Variants in ADRA1B observed in about 807,000 individuals in gnomAD.
The protein encoded by ADRA1B is alpha-1B adrenergic receptor.
In ADRA1B, 17 loss-of-function variants were observed where a neutral mutation model predicts 17.9. The ratio of observed to expected loss-of-function variants is 0.95; its 90% CI spans 0.65 to 1.42. The LOEUF is 1.42. Ranked by LOEUF, ADRA1B falls within the 40% of genes most tolerant of loss-of-function variation. The pLI is 0.00. For synonymous variants in ADRA1B, 366 were observed against 327.6 expected (o/e 1.12, Z -1.27); for missense variants, 681 against 722.1 (o/e 0.94, Z 0.65).
the ADRA1B span, among the ~76,000 whole-genome samples, chr5:159,985,799 C>T: frequency 6.6e-6 from 1 of 152,216 alleles, no homozygotes; most frequent in Non-Finnish European, 1.5e-5. Flanking sequence ...GGTGACAAAG[C>T]CTGATCCTGC....
chr5:159,931,315 G>T (rs1459614246), intron 1 of ADRA1B, among the ~76,000 whole-genome samples: 1 of 151,100 alleles, frequency 6.6e-6, no homozygotes, highest in Non-Finnish European at 1.5e-5. Context: ...GATCCCTTGA[G>T]CCCAGGAGGT....
chr5:159,869,909 T>C (rs763859395), intron 1 of ADRA1B: 1 of 152,170 alleles, frequency 6.6e-6, no homozygotes, highest in South Asian at 2.1e-4. Flanking sequence ...GTAGCAGTAA[T>C]ATGTGATATG....
At chr5:159,966,133 A>G (rs1176356469) in intron 1 of ADRA1B, among the ~76,000 whole-genome samples, 1 of 152,180 alleles carries the variant, frequency 6.6e-6, no homozygotes, top group African/African-American at 2.4e-5. Flanking sequence ...TAAAGAAAGA[A>G]AACAGGCACA....
At chr5:159,883,316 T>C (rs1381381171) in intron 1 of ADRA1B, among the ~76,000 whole-genome samples, 1 of 152,236 alleles carries the variant, frequency 6.6e-6, no homozygotes, top group Non-Finnish European at 1.5e-5. Flanking sequence ...CATGTAATTT[T>C]TTTACCATGT....
chr5:159,893,125 T>C (rs1754003807), intron 1 of ADRA1B, among the ~76,000 whole-genome samples: 1 of 152,246 alleles, frequency 6.6e-6, no homozygotes, highest in South Asian at 2.1e-4. Context: ...ACATGTGTCA[T>C]TGACTATCTG....
intron 1 of ADRA1B, among the ~76,000 whole-genome samples, chr5:159,964,882 G>A (rs1755745457): frequency 1.3e-5 from 2 of 152,194 alleles, no homozygotes; most frequent in Non-Finnish European, 2.9e-5. Context: ...AGTCATCATA[G>A]CTATACTTAT....
chr5:159,932,112 A>G (rs971522876), intron 1 of ADRA1B, among the ~76,000 whole-genome samples: 2 of 152,068 alleles, frequency 1.3e-5, no homozygotes, highest in African/African-American at 4.8e-5. Context: ...TATCATATCG[A>G]TGAAACTGAG....
At chr5:159,890,566 C>T (rs1753972070) in intron 1 of ADRA1B, among the ~76,000 whole-genome samples, 1 of 152,194 alleles carries the variant, frequency 6.6e-6, no homozygotes, top group Non-Finnish European at 1.5e-5. Flanking sequence ...CACTCACTTA[C>T]AGGCTCATTC....
In ADRA1B at chr5:159,972,407, A is replaced by G; in HGVS notation, c.1478A>G (p.Asn493Ser). Residue 493 changes from asparagine to serine, a missense_variant, in exon 2 of 2, where the codon AAC becomes AGC. Transcript: ENST00000306675. ...CCCGGGACCGACGGCGGCGCCAGCA[A>G]CGGAGGCTGCGAGGCCGCGGCCGAC... is the stretch of plus-strand genomic sequence containing the variant. ...ESPGTDGGAS[N>S]GGCEAAADVA... 1.3e-6 allele frequency: 2 copies of G among 1,510,412 alleles called. No homozygotes were observed. The highest frequency in any genetic ancestry group is 1.4e-5 in the African/African-American group (1 of 70,246). The allele number at this position is 1,510,412 out of a possible 1,614,324, so 93.6% of individuals were successfully genotyped here.
At chr5:159,886,221 T>C (rs1026284314) in intron 1 of ADRA1B, among the ~76,000 whole-genome samples, 3 of 152,234 alleles carry the variant, frequency 2.0e-5, no homozygotes, top group African/African-American at 7.2e-5. Context: ...GGACCCATAG[T>C]CTGCCTTAAA....
intron 1 of ADRA1B, among the ~76,000 whole-genome samples, chr5:159,920,081 C>A (rs533437785): frequency 6.6e-6 from 1 of 152,110 alleles, no homozygotes; most frequent in Non-Finnish European, 1.5e-5. Context: ...CTGCCTGGGC[C>A]GAACCCCCAG....
At chr5:159,931,519 G>T (rs879758640) in intron 1 of ADRA1B, among the ~76,000 whole-genome samples, 5 of 152,026 alleles carry the variant, frequency 3.3e-5, no homozygotes, top group African/African-American at 4.8e-5. Flanking sequence ...AAAATGAGAA[G>T]AATTTTCTCT....
intron 1 of ADRA1B, among the ~76,000 whole-genome samples, chr5:159,947,266 T>C (rs1034526531): frequency 6.6e-6 from 1 of 151,958 alleles, no homozygotes; most frequent in South Asian, 2.1e-4. Context: ...TGCTTGAACC[T>C]GAGAGGCAGA....
chr5:159,942,202 G>A (rs1387742801), intron 1 of ADRA1B, among the ~76,000 whole-genome samples: 5 of 152,138 alleles, frequency 3.3e-5, no homozygotes, highest in African/African-American at 4.8e-5. Flanking sequence ...GATTACAGGC[G>A]TGAGCCGCCA....
chr5:159,890,227 G>A (rs1178670863), intron 1 of ADRA1B, among the ~76,000 whole-genome samples: 1 of 152,052 alleles, frequency 6.6e-6, no homozygotes, highest in African/African-American at 2.4e-5. Context: ...ACCATAGATG[G>A]CCCCAGGAAG....
intron 1 of ADRA1B, among the ~76,000 whole-genome samples, chr5:159,953,070 A>C (rs1411901915): frequency 6.6e-6 from 1 of 152,184 alleles, no homozygotes; most frequent in East Asian, 1.9e-4. Context: ...TGAAAGTGAC[A>C]ATGTCAAGAG....
At chr5:159,938,375 G>A (rs1367240978) in intron 1 of ADRA1B, among the ~76,000 whole-genome samples, 1 of 152,210 alleles carries the variant, frequency 6.6e-6, no homozygotes, top group South Asian at 2.1e-4. Flanking sequence ...TTCCAACCAT[G>A]GAGTGATTAA....
chr5:159,942,890 A>G (rs1379141119), intron 1 of ADRA1B, among the ~76,000 whole-genome samples: 2 of 152,240 alleles, frequency 1.3e-5, no homozygotes, highest in African/African-American at 4.8e-5. Flanking sequence ...TAAAAGAAAA[A>G]GTATTCATTT....
chr5:159,888,018 T>A (rs1753944039), intron 1 of ADRA1B: 1 of 152,258 alleles, frequency 6.6e-6, no homozygotes, highest in Non-Finnish European at 1.5e-5. Flanking sequence ...TAAATCACAC[T>A]CCTGATTGAA....
Sources: allele counts gnomAD v4.1 joint callset (sites outside exome capture counted in the v4.1 genomes callset), GRCh38; gene constraint gnomAD v4.1.1; transcripts MANE v1.5; gene names NCBI Gene and HGNC (gene_info 2026-07-23, HGNC 2026-07-21).